The following APBB2 variants were observed in gnomAD, a reference collection of about 807,000 sequenced individuals.
APBB2 encodes amyloid beta precursor protein binding family B member 2, also known as Fe65-like 1.
Under a neutral mutation model 82.5 loss-of-function variants are expected in APBB2, and 38 were observed. The ratio of observed to expected loss-of-function variants is 0.46; its 90% CI spans 0.36 to 0.60. APBB2 has a LOEUF of 0.60. APBB2 is among the 20% of genes least tolerant of loss of function. The pLI, the probability that APBB2 is intolerant of heterozygous loss-of-function variation, is 0.00. For missense variants in APBB2, 772 were observed against 972.3 expected, an observed-to-expected ratio of 0.79 and a Z score of 2.74; for synonymous variants, 341 against 368.2, an observed-to-expected ratio of 0.93 and a Z score of 0.85.
chr4:41,037,291 G>A (rs983504671), intron 4 of APBB2, among the ~76,000 whole-genome samples: 3 of 152,044 alleles, frequency 2.0e-5, no homozygotes, highest in African/African-American at 7.2e-5. Flanking sequence ...TACTTGGCGT[G>A]GAAAAAATGT....
chr4:41,173,104 T>TA (rs1768782488), intron 1 of APBB2, among the ~76,000 whole-genome samples: 1 of 152,198 alleles, frequency 6.6e-6, no homozygotes, highest in Non-Finnish European at 1.5e-5. Context: ...ACTCTACTAA[T>TA]AACTTCCATG....
At chr4:41,006,446 A>G (rs933213852) in intron 6 of APBB2, among the ~76,000 whole-genome samples, 1 of 151,934 alleles carries the variant, frequency 6.6e-6, no homozygotes, top group African/African-American at 2.4e-5. Context: ...GGGCCTAGGG[A>G]TTTATTTATT....
intron 11 of APBB2, among the ~76,000 whole-genome samples, chr4:40,892,238 AC>A (rs1328415981): frequency 6.6e-6 from 1 of 152,234 alleles, no homozygotes; most frequent in East Asian, 1.9e-4. Context: ...GGCATAAGCC[AC>A]TATGCTCAGC....
chr4:41,154,633 C>T (rs912772602), intron 1 of APBB2, among the ~76,000 whole-genome samples: 2 of 152,152 alleles, frequency 1.3e-5, no homozygotes, highest in East Asian at 1.9e-4. Context: ...CTCTCATGCA[C>T]GCTTTATCAG....
At chr4:41,209,366 T>C (rs977615822) in intron 1 of APBB2, among the ~76,000 whole-genome samples, 1 of 152,212 alleles carries the variant, frequency 6.6e-6, no homozygotes, top group African/African-American at 2.4e-5. Flanking sequence ...CTCATGATCC[T>C]GCTAATGACA....
At chr4:40,861,580 G>A (rs1370053017) in intron 12 of APBB2, among the ~76,000 whole-genome samples, 1 of 152,200 alleles carries the variant, frequency 6.6e-6, no homozygotes, top group Non-Finnish European at 1.5e-5. Context: ...CTGCTTTTGT[G>A]AAGGATATCT....
At chr4:41,183,818 T>A (rs193029665) in intron 1 of APBB2, among the ~76,000 whole-genome samples, 2 of 123,338 alleles carry the variant, frequency 1.6e-5, no homozygotes, top group African/African-American at 3.0e-5. Flanking sequence ...AATTTTTCTA[T>A]GGACTGGGGG....
intron 2 of APBB2, among the ~76,000 whole-genome samples, chr4:41,124,021 A>G (rs968408993): frequency 2.0e-5 from 3 of 152,152 alleles, no homozygotes; most frequent in Admixed American, 6.5e-5. Context: ...GGCCATCCAG[A>G]AAGCTGTGCT....
intron 10 of APBB2, among the ~76,000 whole-genome samples, chr4:40,930,906 C>G (rs1560311120): frequency 6.6e-6 from 1 of 152,082 alleles, no homozygotes; most frequent in Non-Finnish European, 1.5e-5. Context: ...CACCACCATG[C>G]CCAGCTAATT....
chr4:41,002,736 A>T (rs1805573196), intron 6 of APBB2, among the ~76,000 whole-genome samples: 1 of 152,216 alleles, frequency 6.6e-6, no homozygotes, highest in African/African-American at 2.4e-5. Context: ...CTGGCATCTA[A>T]TTAAGCATTT....
intron 16 of APBB2, 31 bp downstream of exon 16, chr4:40,823,613 C>T: frequency 1.4e-6 from 2 of 1,445,190 alleles, no homozygotes; most frequent in Non-Finnish European, 1.9e-6. Flanking sequence ...CTGTATAAGA[C>T]ACACCAATGT....
At chr4:41,053,054 C>T (rs1400826432) in intron 4 of APBB2, among the ~76,000 whole-genome samples, 3 of 152,138 alleles carry the variant, frequency 2.0e-5, no homozygotes, top group Admixed American at 6.5e-5. Flanking sequence ...CGTAGGCCAC[C>T]GTGCCCAGCT....
At chr4:40,882,686 C>T (rs4861326) in intron 12 of APBB2, among the ~76,000 whole-genome samples, 65,118 of 151,968 alleles carry the variant, frequency 0.43, 15,315 homozygotes, top group African/African-American at 0.63. Context: ...GGAGCGTAGT[C>T]TGCGGAGTCC....
intron 10 of APBB2, among the ~76,000 whole-genome samples, chr4:40,907,377 ATATTT>A (rs1560861914): frequency 1.1e-4 from 3 of 28,280 alleles, no homozygotes; most frequent in East Asian, 2.7e-3. Context: ...ATATATATAT[ATATTT>A]TTTTTTTTTT....
chr4:40,831,053 C>T (rs1303890502), intron 12 of APBB2, among the ~76,000 whole-genome samples: 3 of 152,128 alleles, frequency 2.0e-5, no homozygotes, highest in Non-Finnish European at 2.9e-5. Flanking sequence ...GAGCTATAAT[C>T]GTACCACTGC....
At position 41,212,027 on chromosome 4, in the gene APBB2, T is replaced by C. The variant is rs566280673; in HGVS notation, c.-417+2378A>G. The stretch of plus-strand genomic sequence containing the variant: ...TTCCATTTTTCTTAAAAGATAAATT[T>C]AGATATCCAGTACTCAGGATAGTCC... On this transcript the variant is annotated intron_variant, in intron 1 of 17. Coordinates refer to ENST00000508593, the MANE Select transcript of APBB2 (RefSeq NM_004307.2). Among the ~76,000 whole-genome samples the C allele has an allele frequency of 9.8e-5, 15 of 152,326 alleles. No homozygotes were observed. In the East Asian group the frequency reaches 2.9e-3, roughly 29 times the overall value.
chr4:40,839,759 G>C (rs1390819279), intron 12 of APBB2, among the ~76,000 whole-genome samples: 1 of 151,838 alleles, frequency 6.6e-6, no homozygotes, highest in Non-Finnish European at 1.5e-5. Context: ...CTGCCTCCCA[G>C]GTTCAAGAAA....
chr4:41,025,376 G>C (rs114976140), intron 5 of APBB2, among the ~76,000 whole-genome samples: 1 of 151,698 alleles, frequency 6.6e-6, no homozygotes, highest in East Asian at 1.9e-4. Context: ...GTGAGATTGC[G>C]GAGAAAAGGG....
At chr4:41,030,798 A>C (rs1716450893) in intron 5 of APBB2, among the ~76,000 whole-genome samples, 1 of 152,152 alleles carries the variant, frequency 6.6e-6, no homozygotes, top group African/African-American at 2.4e-5. Context: ...AAGGGAAAAA[A>C]TGTTAAACAA....
Sources: allele counts gnomAD v4.1 joint callset (sites outside exome capture counted in the v4.1 genomes callset), GRCh38; gene constraint gnomAD v4.1.1; transcripts MANE v1.5; gene names NCBI Gene and HGNC (gene_info 2026-07-23, HGNC 2026-07-21).